THSD7A: variants seen among roughly 807,000 people sequenced by gnomAD.
THSD7A encodes the protein thrombospondin type-1 domain-containing protein 7A.
In THSD7A, 96 loss-of-function variants were observed where a neutral mutation model predicts 231.3. The ratio of observed to expected loss-of-function variants is 0.41; its 90% CI spans 0.35 to 0.49. THSD7A has a LOEUF of 0.49. Ranked by LOEUF, THSD7A falls within the 20% of genes least tolerant of loss-of-function variation. The pLI, the probability that THSD7A is intolerant of heterozygous loss-of-function variation, is 0.05. For missense variants in THSD7A, 2,290 were observed against 2,070.2 expected, an observed-to-expected ratio of 1.11 and a Z score of -2.06; for synonymous variants, 940 against 743.3, an observed-to-expected ratio of 1.26 and a Z score of -4.30.
At position 11,706,829 on chromosome 7, in the gene THSD7A, G is replaced by T. The variant is rs578174417; in HGVS notation, c.191-69868C>A. ...ATTTATCAGAGTCTAAAGAATGAAT[G>T]ACTTATCGGCAAATGAGTCATTAGT... On this transcript the variant is annotated intron_variant, in intron 1 of 27. Coordinates refer to ENST00000423059, the MANE Select transcript of THSD7A (RefSeq NM_015204.3). Among the ~76,000 whole-genome samples, 7 of 150,432 alleles carry T rather than the reference G, an allele frequency of 4.7e-5. No individual in the cohort carries two copies. In the South Asian group the frequency reaches 1.5e-3, roughly 31 times the overall value.
intron 1 of THSD7A, among the ~76,000 whole-genome samples, chr7:11,733,250 T>G (rs1275493771): frequency 6.6e-6 from 1 of 151,840 alleles, no homozygotes. Context: ...GTGTAAGCTA[T>G]TCCACTTTAT....
intron 1 of THSD7A, among the ~76,000 whole-genome samples, chr7:11,802,417 G>T (rs1362430168): frequency 6.6e-6 from 1 of 152,192 alleles, no homozygotes; most frequent in African/African-American, 2.4e-5. Context: ...AAGGCCTTGA[G>T]ACTGCAGACC....
At chr7:11,510,440 C>G (rs1017950626) in intron 6 of THSD7A, among the ~76,000 whole-genome samples, 1 of 152,162 alleles carries the variant, frequency 6.6e-6, no homozygotes, top group Non-Finnish European at 1.5e-5. Context: ...CAGCATCATC[C>G]TGATACCAAA....
At chr7:11,544,931 C>T (rs1427939101) in intron 4 of THSD7A, among the ~76,000 whole-genome samples, 1 of 151,792 alleles carries the variant, frequency 6.6e-6, no homozygotes, top group Non-Finnish European at 1.5e-5. Flanking sequence ...TGTTTATGTG[C>T]ATCACAACAG....
intron 1 of THSD7A, among the ~76,000 whole-genome samples, chr7:11,715,968 C>A (rs1781121815): frequency 6.6e-6 from 1 of 151,438 alleles, no homozygotes; most frequent in African/African-American, 2.4e-5. Flanking sequence ...ACCCATATAC[C>A]TTAGAGTGAT....
chr7:11,515,368 A>G (rs1297093322), intron 6 of THSD7A, among the ~76,000 whole-genome samples: 1 of 152,176 alleles, frequency 6.6e-6, no homozygotes, highest in East Asian at 1.9e-4. Flanking sequence ...TCTACTTGTT[A>G]TTTAACTCTG....
At chr7:11,667,297 C>T (rs1269451204) in intron 1 of THSD7A, among the ~76,000 whole-genome samples, 1 of 152,122 alleles carries the variant, frequency 6.6e-6, no homozygotes, top group African/African-American at 2.4e-5. Flanking sequence ...TAAGTGAGAA[C>T]ATGTGATATT....
At position 11,412,715 on chromosome 7, in the gene THSD7A, A is replaced by G; in HGVS notation, c.3623T>C (p.Val1208Ala). The G allele has an allele frequency of 6.2e-7, 1 of 1,613,860 alleles. No individual in the cohort carries two copies. Among genetic ancestry groups the G allele is most frequent in the South Asian group, 1.1e-5 (1 of 91,048 alleles). ...GTTCAGGTTACAGGGTTCTTTCTCA[A>G]CAGCATTAGGGCAAGATCTTCCTTC... is the stretch of plus-strand genomic sequence containing the variant. ...ADEGRSCPNA[V>A]EKEPCNLNKN... is the part of the protein sequence containing the mutation. Residue 1208 changes from valine to alanine, a missense_variant, in exon 18 of 28, where the codon GTT (valine) becomes GCT (alanine). Val to Ala is a moderately conservative substitution (Grantham distance 64). Coordinates refer to ENST00000423059, the MANE Select transcript of THSD7A (RefSeq NM_015204.3).
chr7:11,490,238 T>A (rs1425506654), intron 6 of THSD7A, among the ~76,000 whole-genome samples: 1 of 152,090 alleles, frequency 6.6e-6, no homozygotes, highest in Non-Finnish European at 1.5e-5. Flanking sequence ...TAGAACCCAT[T>A]TTAACAAAGT....
chr7:11,467,033 C>G (rs982718396), intron 9 of THSD7A, among the ~76,000 whole-genome samples: 2 of 152,100 alleles, frequency 1.3e-5, no homozygotes, highest in African/African-American at 4.8e-5. Flanking sequence ...CCTTTACATC[C>G]TCTAGCCCTT....
intron 1 of THSD7A, among the ~76,000 whole-genome samples, chr7:11,789,434 A>C (rs1206177466): frequency 6.6e-6 from 1 of 152,100 alleles, no homozygotes; most frequent in Admixed American, 6.6e-5. Flanking sequence ...AGGTCACTGC[A>C]GTCAGCCAGG....
At chr7:11,537,170 T>C (rs1271729246) in intron 6 of THSD7A, among the ~76,000 whole-genome samples, 1 of 152,162 alleles carries the variant, frequency 6.6e-6, no homozygotes, top group Non-Finnish European at 1.5e-5. Flanking sequence ...GAAATAGTAC[T>C]CAAGTTTTCC....
chr7:11,635,469 T>C (rs978980222), intron 2 of THSD7A, among the ~76,000 whole-genome samples: 1 of 152,236 alleles, frequency 6.6e-6, no homozygotes, highest in African/African-American at 2.4e-5. Context: ...TTTCATAATA[T>C]AGTCATTATG....
rs1784909234 is a variant in THSD7A, at chr7:11,444,760, G to A, written c.3064+1301C>T. ...GAACTTAAAGTATAACAAAAAAAAA[G>A]AGAGGGGGCACAGTTGTCTGCTCTG... On this transcript the variant is annotated intron_variant, in intron 13 of 27. Transcript: ENST00000423059. The surrounding 1 kb of genome is among the most constrained non-coding windows in gnomAD (Gnocchi z 4.2). Among the ~76,000 whole-genome samples the A allele has an allele frequency of 6.7e-6, 1 of 149,058 alleles. No homozygotes were observed. The highest frequency in any genetic ancestry group is 1.5e-5 in the Non-Finnish European group (1 of 67,552).
At chr7:11,611,263 G>A (rs912119635) in intron 2 of THSD7A, among the ~76,000 whole-genome samples, 2 of 152,026 alleles carry the variant, frequency 1.3e-5, no homozygotes, top group African/African-American at 4.8e-5. Flanking sequence ...GAAGAGGGAA[G>A]CAATGTATTA....
chr7:11,404,258 G>C (rs1783507334), intron 22 of THSD7A, among the ~76,000 whole-genome samples: 1 of 152,186 alleles, frequency 6.6e-6, no homozygotes, highest in South Asian at 2.1e-4. Flanking sequence ...TCCAGGGCTT[G>C]ACCTGTAATT....
rs540588453 is a variant in THSD7A, at chr7:11,503,291, T to C, written c.1823-21309A>G. On this transcript the variant is annotated intron_variant, in intron 6 of 27. Transcript: ENST00000423059. Reference sequence around the variant, plus strand: ...AGATTGAAGCTGGACCCCTTTCTTATGCCATATACAAAAATCAACTCAACA... The same window carrying C: ...AGATTGAAGCTGGACCCCTTTCTTACGCCATATACAAAAATCAACTCAACA... 3.9e-5 allele frequency among the ~76,000 whole-genome samples: 6 copies of C among 152,266 alleles called. No homozygotes were observed. The East Asian group carries it at 5.8e-4, about 15-fold the overall frequency.
rs1030635486 is a variant in THSD7A at position 11,831,976 on chromosome 7, C to G, written c.-30G>C. On this transcript the variant is annotated 5_prime_UTR_variant, in exon 1 of 28. Coordinates refer to ENST00000423059, the MANE Select transcript of THSD7A (RefSeq NM_015204.3). The surrounding 1 kb of genome is among the most constrained non-coding windows in gnomAD (Gnocchi z 5.0). Reference sequence around the variant, plus strand: ...CCTGCAGCCACTCCAGGGTCCAGAGCCGTAGCACGCTCGGCAGGGAATTTT... The same window carrying G: ...CCTGCAGCCACTCCAGGGTCCAGAGGCGTAGCACGCTCGGCAGGGAATTTT... The G allele has an allele frequency of 7.4e-6, 9 of 1,219,046 alleles. No homozygotes were observed. The highest frequency in any genetic ancestry group is 9.2e-6 in the Non-Finnish European group (9 of 979,424). 75.5% of individuals were successfully genotyped at this position (1,219,046 alleles called of 1,614,324 possible).
intron 1 of THSD7A, among the ~76,000 whole-genome samples, chr7:11,776,973 T>C (rs931479086): frequency 2.6e-5 from 4 of 152,206 alleles, no homozygotes; most frequent in Non-Finnish European, 2.9e-5. Flanking sequence ...ACTGTAACCA[T>C]TGTACGTTTG....
Sources: allele counts gnomAD v4.1 joint callset (sites outside exome capture counted in the v4.1 genomes callset), GRCh38; gene constraint gnomAD v4.1.1; non-coding constraint Gnocchi (gnomAD v3.1); transcripts MANE v1.5; gene names NCBI Gene and HGNC (gene_info 2026-07-23, HGNC 2026-07-21).